Variants in RNF121 observed in about 807,000 individuals in gnomAD.
RNF121 encodes E3 ubiquitin ligase RNF121.
Under a neutral mutation model 46.5 loss-of-function variants are expected in RNF121, and 21 were observed. That is an observed-to-expected ratio of 0.45 (90% CI 0.32 to 0.65). The LOEUF (loss-of-function observed/expected upper bound fraction) is 0.65. RNF121 is among the 30% of genes least tolerant of loss of function. RNF121 has a pLI of 0.04. For missense variants in RNF121, 346 were observed against 416.0 expected, an observed-to-expected ratio of 0.83 and a Z score of 1.46; for synonymous variants, 139 against 144.7, an observed-to-expected ratio of 0.96 and a Z score of 0.28.
chr11:71,964,753 ACAGGCGTGAG>A (rs948707561), intron 3 of RNF121, among the ~76,000 whole-genome samples: 4 of 152,226 alleles, frequency 2.6e-5, no homozygotes, highest in Non-Finnish European at 5.9e-5. Flanking sequence ...TGTTGGGATT[ACAGGCGTGAG>A]CCACCGTGCC....
At chr11:71,970,057 G>A (rs1291379766) in intron 3 of RNF121, among the ~76,000 whole-genome samples, 1 of 152,160 alleles carries the variant, frequency 6.6e-6, no homozygotes, top group South Asian at 2.1e-4. Context: ...AATGTAAAAA[G>A]TAAAGAAATT....
chr11:71,978,256 A>G (rs747681181), intron 3 of RNF121: 15 of 441,856 alleles, frequency 3.4e-5, no homozygotes, highest in Non-Finnish European at 5.9e-5. Flanking sequence ...CTTTTATCAC[A>G]TGGTAGACTG....
At chr11:71,995,686 G>A (rs1954960920) in intron 8 of RNF121, 135 bp downstream of exon 8, 1 of 688,926 alleles carries the variant, frequency 1.5e-6, no homozygotes, top group Non-Finnish European at 2.6e-6. Flanking sequence ...GTGGGAAGCT[G>A]AGCTGCTAGT....
intron 3 of RNF121, among the ~76,000 whole-genome samples, chr11:71,974,236 C>T (rs191153046): frequency 1.3e-3 from 204 of 152,278 alleles, no homozygotes; most frequent in Non-Finnish European, 2.4e-3. Context: ...CCACCACGCC[C>T]AGCCAAGCCC....
At chr11:71,990,852 A>G in intron 6 of RNF121, 135 bp downstream of exon 6, 1 of 1,020,280 alleles carries the variant, frequency 9.8e-7, no homozygotes, top group Non-Finnish European at 1.4e-6. Context: ...GTGCATATGC[A>G]TGGACATTCC....
chr11:71,941,414 CCTT>C (rs1421159100), intron 1 of RNF121, among the ~76,000 whole-genome samples: 1 of 152,190 alleles, frequency 6.6e-6, no homozygotes, highest in African/African-American at 2.4e-5. Flanking sequence ...TTCATTATTT[CCTT>C]CTTCAAATAC....
At chr11:71,960,494 G>C (rs904008789) in intron 2 of RNF121, among the ~76,000 whole-genome samples, 1 of 152,136 alleles carries the variant, frequency 6.6e-6, no homozygotes, top group Non-Finnish European at 1.5e-5. Context: ...TCTTCCATGG[G>C]GGCAGGCAGC....
At chr11:71,936,140 C>T (rs192638293) in intron 1 of RNF121, among the ~76,000 whole-genome samples, 62 of 152,132 alleles carry the variant, frequency 4.1e-4, no homozygotes, top group Middle Eastern at 3.4e-3. Flanking sequence ...AGATTATAGG[C>T]GTAAACTGCT....
Position 71,929,061 on chromosome 11 carries a change from G to C in RNF121, c.-1G>C, listed in dbSNP as rs142067692. The C allele has an allele frequency of 3.9e-6, 6 of 1,551,444 alleles. No homozygotes were observed. The highest frequency in any genetic ancestry group is 5.2e-6 in the Non-Finnish European group (6 of 1,147,016). ...CTGCGGTGAGGGGGCGAGCCGTGAA[G>C]ATGGCGGCAGTGGTGGAGGTGGAGG... On this transcript the variant is annotated 5_prime_UTR_variant, in exon 1 of 9. Transcript: ENST00000361756.
intron 1 of RNF121, among the ~76,000 whole-genome samples, chr11:71,955,566 G>C (rs997220470): frequency 3.3e-5 from 5 of 152,118 alleles, no homozygotes; most frequent in African/African-American, 1.2e-4. Context: ...CTAGGATGTA[G>C]ATAAGAAACA....
chr11:71,932,701 T>C (rs1273939532), intron 1 of RNF121, among the ~76,000 whole-genome samples: 1 of 152,238 alleles, frequency 6.6e-6, no homozygotes, highest in Non-Finnish European at 1.5e-5. Context: ...TTTAAACCCA[T>C]GTTTCCAGAT....
intron 1 of RNF121, among the ~76,000 whole-genome samples, chr11:71,940,957 A>AG (rs1345095024): frequency 6.6e-6 from 1 of 152,276 alleles, no homozygotes; most frequent in African/African-American, 2.4e-5. Context: ...CAAGGCTTGG[A>AG]GACGTTAAAC....
At chr11:71,941,446 A>G (rs1953566849) in intron 1 of RNF121, among the ~76,000 whole-genome samples, 1 of 152,208 alleles carries the variant, frequency 6.6e-6, no homozygotes, top group South Asian at 2.1e-4. Flanking sequence ...TCAGTGTCAA[A>G]CATTTTTCTA....
chr11:71,976,345 CTTTTTTTT>C (rs35710756), intron 3 of RNF121, among the ~76,000 whole-genome samples: 3 of 46,068 alleles, frequency 6.5e-5, no homozygotes, highest in African/African-American at 9.3e-5. Context: ...TGGGTATATT[CTTTTTTTT>C]TTTTTTTTTT....
intron 1 of RNF121, among the ~76,000 whole-genome samples, chr11:71,954,362 C>T (rs748681830): frequency 6.6e-6 from 1 of 152,084 alleles, no homozygotes; most frequent in African/African-American, 2.4e-5. Flanking sequence ...TGTAGTACTC[C>T]ATGAAGTGCT....
intron 3 of RNF121, among the ~76,000 whole-genome samples, chr11:71,972,355 C>T (rs1954438289): frequency 6.6e-6 from 1 of 152,180 alleles, no homozygotes; most frequent in South Asian, 2.1e-4. Context: ...TGAGATTAGC[C>T]ATTAGAGCTT....
intron 3 of RNF121, among the ~76,000 whole-genome samples, chr11:71,967,029 GC>G (rs1379581396): frequency 1.4e-5 from 2 of 146,820 alleles, no homozygotes; most frequent in African/African-American, 5.0e-5. Context: ...CCGCCACCGC[GC>G]CCGGCTAATT....
chr11:71,934,164 T>C (rs1282024560), intron 1 of RNF121, among the ~76,000 whole-genome samples: 1 of 152,242 alleles, frequency 6.6e-6, no homozygotes, highest in Non-Finnish European at 1.5e-5. Context: ...CTGCCTTTTA[T>C]GGTTTTCTCT....
chr11:71,931,054 G>C (rs773416873), intron 1 of RNF121, among the ~76,000 whole-genome samples: 1 of 152,056 alleles, frequency 6.6e-6, no homozygotes, highest in African/African-American at 2.4e-5. Context: ...GGCTGGCCTC[G>C]AACTCCTGAC....
Sources: allele counts gnomAD v4.1 joint callset (sites outside exome capture counted in the v4.1 genomes callset), GRCh38; gene constraint gnomAD v4.1.1; transcripts MANE v1.5; gene names NCBI Gene and HGNC (gene_info 2026-07-23, HGNC 2026-07-21).